The following DNAH14 variants were observed in gnomAD, a reference collection of about 807,000 sequenced individuals.
DNAH14 encodes dynein axonemal heavy chain 14, also known as axonemal beta dynein heavy chain 14.
Under a neutral mutation model 520.9 loss-of-function variants are expected in DNAH14, and 478 were observed. The ratio of observed to expected loss-of-function variants is 0.92; its 90% CI spans 0.85 to 0.99. DNAH14 has a LOEUF of 0.99. DNAH14 is among the 50% of genes least tolerant of loss of function. The probability of loss-of-function intolerance (pLI) is 0.00; values close to 1 mark genes in which losing one functional copy is unlikely to be tolerated. For missense variants in DNAH14, 4,831 were observed against 5,234.5 expected, an observed-to-expected ratio of 0.92 and a Z score of 2.38; for synonymous variants, 1,581 against 1,757.2, an observed-to-expected ratio of 0.90 and a Z score of 2.51.
intron 27 of DNAH14, among the ~76,000 whole-genome samples, chr1:225,138,727 TC>T (rs926352008): frequency 6.6e-6 from 1 of 152,078 alleles, no homozygotes; most frequent in African/African-American, 2.4e-5. Flanking sequence ...ACTCACCGCC[TC>T]CCCTGGCTGG....
intron 30 of DNAH14, among the ~76,000 whole-genome samples, chr1:225,146,026 C>G (rs545911616): frequency 2.0e-5 from 3 of 152,210 alleles, no homozygotes; most frequent in Non-Finnish European, 2.9e-5. Flanking sequence ...TCACTTAGTA[C>G]GTTAAAAATA....
intron 42 of DNAH14, among the ~76,000 whole-genome samples, chr1:225,236,811 G>A (rs963283999): frequency 1.3e-5 from 2 of 152,190 alleles, no homozygotes; most frequent in South Asian, 2.1e-4. Context: ...AGCATAGAAG[G>A]TTTTTCCATT....
chr1:224,943,351 C>T (rs1036664553), intron 1 of DNAH14, among the ~76,000 whole-genome samples: 1 of 151,976 alleles, frequency 6.6e-6, no homozygotes, highest in Non-Finnish European at 1.5e-5. Flanking sequence ...TTCCCTTTCT[C>T]GTTTTTTATT....
At position 225,240,713 on chromosome 1, in the gene DNAH14, CA is replaced by C. The variant is rs1440709249; in HGVS notation, c.6640del (p.Arg2214GlufsTer18). 8.4e-6 allele frequency: 13 copies of C among 1,550,826 alleles called. No homozygotes were observed. Among genetic ancestry groups the C allele is most frequent in the Non-Finnish European group, 9.6e-6 (11 of 1,146,530 alleles). On this transcript the variant is annotated frameshift_variant, in exon 43 of 86. Transcript: ENST00000682510. LOFTEE classifies it high-confidence loss of function. ...GGALNREDEH[R>X]ENIPFCPSLE... ...GAGCTTTAAACCGTGAAGATGAACACAGAGAAAATATACCATTTTGTCCCAG... is the reference window on the plus strand; with the variant it reads ...GAGCTTTAAACCGTGAAGATGAACACGAGAAAATATACCATTTTGTCCCAG...
At chr1:225,074,253 C>T (rs1268950495) in intron 17 of DNAH14, among the ~76,000 whole-genome samples, 1 of 152,172 alleles carries the variant, frequency 6.6e-6, no homozygotes, top group Non-Finnish European at 1.5e-5. Context: ...CCTGCCTCGG[C>T]CTCCCAAAGT....
At chr1:225,175,554 G>T (rs1313552667) in intron 36 of DNAH14, among the ~76,000 whole-genome samples, 2 of 151,424 alleles carry the variant, frequency 1.3e-5, no homozygotes, top group African/African-American at 4.8e-5. Context: ...AAGATTTGTT[G>T]ATTTTTAAAA....
chr1:225,337,568 A>G lies in DNAH14; in HGVS notation c.10311+72A>G, dbSNP rs2095082971. 4 of 1,236,594 alleles carry G rather than the reference A, an allele frequency of 3.2e-6. No homozygotes were observed. The Admixed American group carries it at 6.4e-5, about 20-fold the overall frequency. 76.6% of individuals were successfully genotyped at this position (1,236,594 alleles called of 1,614,324 possible). On this transcript the variant is annotated intron_variant, in intron 67 of 85. Coordinates refer to ENST00000682510, the MANE Select transcript of DNAH14 (RefSeq NM_001367479.1). ...TTGTATGCACTGAGCATAAAGGCTA[A>G]AAGTTTTCAGTGACAGATAACTGTC...
At chr1:225,351,285 T>C (rs2095362825) in intron 71 of DNAH14, among the ~76,000 whole-genome samples, 1 of 152,032 alleles carries the variant, frequency 6.6e-6, no homozygotes, top group African/African-American at 2.4e-5. Context: ...CAGCTACTTG[T>C]GAGGCTGAGG....
intron 68 of DNAH14, among the ~76,000 whole-genome samples, chr1:225,338,786 G>A (rs1477554656): frequency 6.6e-6 from 1 of 152,214 alleles, no homozygotes; most frequent in Admixed American, 6.5e-5. Context: ...TACAGGAAAG[G>A]CCACTTATAA....
chr1:225,306,855 G>A (rs1243443902), intron 58 of DNAH14, among the ~76,000 whole-genome samples: 1 of 150,288 alleles, frequency 6.7e-6, no homozygotes, highest in African/African-American at 2.5e-5. Flanking sequence ...GCAAAAGACA[G>A]GTTACAGTCC....
At chr1:225,101,269 T>C (rs920869561) in intron 23 of DNAH14, among the ~76,000 whole-genome samples, 1 of 151,986 alleles carries the variant, frequency 6.6e-6, no homozygotes, top group Non-Finnish European at 1.5e-5. Context: ...ATGGGGTACA[T>C]GATATATTTT....
Position 225,185,479 on chromosome 1 carries a change from A to C in DNAH14, c.5670+54A>C, listed in dbSNP as rs1194280989. On this transcript the variant is annotated intron_variant, in intron 37 of 85. Transcript: ENST00000682510. Reference sequence around the variant, plus strand: ...TCTATTTGTTCATATCTTATTTTACACTTTAATATTTTATGTTCTCTTTAT... The same window carrying C: ...TCTATTTGTTCATATCTTATTTTACCCTTTAATATTTTATGTTCTCTTTAT... 3.5e-6 allele frequency: 5 copies of C among 1,443,196 alleles called. No individual in the cohort carries two copies. In the African/African-American group the frequency reaches 7.3e-5, roughly 21 times the overall value. The allele number at this position is 1,443,196 out of a possible 1,614,324, so 89.4% of individuals were successfully genotyped here. A position where few individuals can be genotyped will look rare whatever the true frequency, so the allele number is the denominator to read the frequency against.
intron 8 of DNAH14, among the ~76,000 whole-genome samples, chr1:224,990,579 T>C (rs1401603095): frequency 3.3e-5 from 5 of 152,228 alleles, no homozygotes; most frequent in Non-Finnish European, 7.3e-5. Context: ...TGTGCCTGGC[T>C]TATTTAACTT....
chr1:225,343,064 T>C (rs1047850457), intron 69 of DNAH14, among the ~76,000 whole-genome samples: 1 of 152,198 alleles, frequency 6.6e-6, no homozygotes, highest in Non-Finnish European at 1.5e-5. Context: ...CGTTCCCACA[T>C]TGTAGTTACA....
intron 11 of DNAH14, among the ~76,000 whole-genome samples, chr1:225,035,699 T>A (rs2066906585): frequency 6.6e-6 from 1 of 152,138 alleles, no homozygotes. Context: ...TCAGAGAAGA[T>A]GCTTGATATT....
chr1:225,032,141 G>A (rs938600069), intron 11 of DNAH14, among the ~76,000 whole-genome samples: 11 of 151,782 alleles, frequency 7.2e-5, no homozygotes, highest in African/African-American at 2.7e-4. Flanking sequence ...ATAAACATGG[G>A]TCATGGGGGT....
intron 69 of DNAH14, among the ~76,000 whole-genome samples, chr1:225,342,064 C>A (rs2095194592): frequency 6.6e-6 from 1 of 152,174 alleles, no homozygotes; most frequent in South Asian, 2.1e-4. Flanking sequence ...AAGCTCTCTA[C>A]ACAATTATAA....
chr1:225,324,804 T>C lies in DNAH14; in HGVS notation c.9695T>C (p.Leu3232Pro). 1 of 1,551,534 alleles carries C rather than the reference T, an allele frequency of 6.4e-7. No homozygotes were observed. Among genetic ancestry groups the C allele is most frequent in the Non-Finnish European group, 8.7e-7 (1 of 1,146,934 alleles). The change falls in exon 64 of 86, where the codon CTT becomes CCT. Residue 3232 changes from leucine (L) to proline (P), a missense_variant. Leu to Pro is a moderately conservative substitution (Grantham distance 98). Transcript: ENST00000682510. Reference protein sequence around the residue: ...QNVLKIARQRLAEKQRGLQLV... With the variant: ...QNVLKIARQRPAEKQRGLQLV... ...GTCCTTAAAATTGCGCGACAAAGAC[T>C]TGCTGAGAAACAAAGAGGTTTACAG...
Position 225,235,950 on chromosome 1 carries a change from GTCTA to G in DNAH14, c.6519-4637_6519-4634del, listed in dbSNP as rs1293127259. Among the ~76,000 whole-genome samples the G allele has an allele frequency of 3.3e-5, 5 of 152,036 alleles. No homozygotes were observed. The East Asian group carries it at 7.7e-4, about 23-fold the overall frequency. Reference sequence around the variant, plus strand: ...GTTTTCTTTTTTATTAGTCTAAGCAGTCTATCTATTTTATTAATTTTTTTCAAAA... The same window carrying G: ...GTTTTCTTTTTTATTAGTCTAAGCAGTCTATTTTATTAATTTTTTTCAAAA... On this transcript the variant is annotated intron_variant, in intron 42 of 85. Transcript: ENST00000682510.
Sources: gnomAD v4.1 joint callset for allele counts (sites outside exome capture counted in the v4.1 genomes callset) on GRCh38, gnomAD v4.1.1 for gene constraint, MANE v1.5 for transcripts, NCBI Gene and HGNC (gene_info 2026-07-23, HGNC 2026-07-21) for gene names.